CADM2: variants seen among roughly 807,000 people sequenced by gnomAD.
CADM2 encodes immunoglobulin superfamily member 4D.
A neutral mutation model predicts 49.8 loss-of-function variants in CADM2; 12 were observed. The observed-to-expected ratio is 0.24, with a 90% CI of 0.15 to 0.39. The LOEUF (loss-of-function observed/expected upper bound fraction) is 0.39. Ranked by LOEUF, CADM2 falls within the 10% of genes least tolerant of loss-of-function variation. The pLI is 1.00. For missense variants in CADM2, 378 were observed against 492.3 expected, an observed-to-expected ratio of 0.77 and a Z score of 2.20; for synonymous variants, 214 against 175.4, an observed-to-expected ratio of 1.22 and a Z score of -1.74.
chr3:85,318,876 T>A (rs2044533342), intron 1 of CADM2, among the ~76,000 whole-genome samples: 1 of 152,210 alleles, frequency 6.6e-6, no homozygotes. Flanking sequence ...TAATGTGATA[T>A]GATTTAATAT....
intron 1 of CADM2, among the ~76,000 whole-genome samples, chr3:85,384,551 T>G (rs2034103831): frequency 6.6e-6 from 1 of 152,014 alleles, no homozygotes. Flanking sequence ...TGACTTCAGG[T>G]GATCCGCCCG....
chr3:85,770,484 A>T (rs575156164), intron 2 of CADM2, among the ~76,000 whole-genome samples: 1 of 151,868 alleles, frequency 6.6e-6, no homozygotes, highest in African/African-American at 2.4e-5. Flanking sequence ...TAGCTGTTTT[A>T]TTATTATTAT....
intron 1 of CADM2, among the ~76,000 whole-genome samples, chr3:85,156,898 T>C (rs2040144800): frequency 6.6e-6 from 1 of 152,138 alleles, no homozygotes; most frequent in African/African-American, 2.4e-5. Flanking sequence ...GAAGTCAAAT[T>C]GTCCCTGTTT....
intron 1 of CADM2, among the ~76,000 whole-genome samples, chr3:85,156,189 G>GT (rs879481906): frequency 2.5e-4 from 38 of 151,672 alleles, no homozygotes; most frequent in Non-Finnish European, 5.2e-4. Flanking sequence ...CCAGGAGCTG[G>GT]TTTTTTGAAA....
chr3:85,600,966 G>A (rs1307782421), intron 1 of CADM2, among the ~76,000 whole-genome samples: 2 of 150,354 alleles, frequency 1.3e-5, no homozygotes, highest in Non-Finnish European at 3.0e-5. Flanking sequence ...TTGAGAAAAC[G>A]AGAACACAGG....
chr3:85,559,558 T>G (rs2062038418), intron 1 of CADM2, among the ~76,000 whole-genome samples: 1 of 151,986 alleles, frequency 6.6e-6, no homozygotes, highest in Admixed American at 6.6e-5. Flanking sequence ...ATATAGTAAA[T>G]ATATTTTTAC....
chr3:85,989,116 C>T (rs1438041978), intron 8 of CADM2, among the ~76,000 whole-genome samples: 1 of 152,130 alleles, frequency 6.6e-6, no homozygotes. Context: ...CATTCCTCCA[C>T]TCTGTTACTC....
intron 8 of CADM2, among the ~76,000 whole-genome samples, chr3:85,966,929 G>A (rs1725551112): frequency 6.6e-6 from 1 of 151,624 alleles, no homozygotes; most frequent in Admixed American, 6.6e-5. Context: ...TAAAAAGAGT[G>A]TTCTGGAGTT....
chr3:85,125,625 A>G (rs560584315), intron 1 of CADM2, among the ~76,000 whole-genome samples: 2 of 152,246 alleles, frequency 1.3e-5, no homozygotes, highest in South Asian at 4.1e-4. Flanking sequence ...CTCCTCCCAA[A>G]GTGCTGGGAT....
intron 1 of CADM2, among the ~76,000 whole-genome samples, chr3:85,005,213 G>C (rs1020069478): frequency 2.6e-5 from 4 of 152,092 alleles, no homozygotes; most frequent in African/African-American, 9.7e-5. Context: ...AGGCATTCTA[G>C]CCTTATAATC....
chr3:85,809,614 A>T (rs887660524), intron 3 of CADM2, among the ~76,000 whole-genome samples: 1 of 152,008 alleles, frequency 6.6e-6, no homozygotes, highest in Admixed American at 6.6e-5. Flanking sequence ...CGACAAGTCT[A>T]ATTCACTTTG....
At chr3:85,282,430 T>A (rs2043525587) in intron 1 of CADM2, among the ~76,000 whole-genome samples, 1 of 129,502 alleles carries the variant, frequency 7.7e-6, no homozygotes, top group South Asian at 2.4e-4. Context: ...CTTGGCCAAA[T>A]TTTTTTTTTT....
At chr3:85,650,664 G>A (rs1357335577) in intron 1 of CADM2, among the ~76,000 whole-genome samples, 1 of 151,612 alleles carries the variant, frequency 6.6e-6, no homozygotes, top group Non-Finnish European at 1.5e-5. Context: ...TGGGAATTGG[G>A]CCCAACAATC....
At chr3:85,942,193 C>G (rs987885547) in intron 7 of CADM2, among the ~76,000 whole-genome samples, 2 of 151,894 alleles carry the variant, frequency 1.3e-5, no homozygotes, top group Non-Finnish European at 2.9e-5. Context: ...ATTGCTAGGA[C>G]AGCCCATATT....
intron 1 of CADM2, among the ~76,000 whole-genome samples, chr3:85,351,652 G>A (rs751362743): frequency 1.2e-4 from 19 of 152,128 alleles, no homozygotes; most frequent in Non-Finnish European, 2.2e-4. Flanking sequence ...GAGGGAATGT[G>A]GGAATTGCTC....
At chr3:85,293,963 G>A (rs540288725) in intron 1 of CADM2, among the ~76,000 whole-genome samples, 9,770 of 151,694 alleles carry the variant, frequency 0.064, 1,029 homozygotes, top group African/African-American at 0.22. Context: ...AAAAGGAAAT[G>A]AAGGGTATTC....
chr3:85,644,683 A>G (rs1005057878), intron 1 of CADM2, among the ~76,000 whole-genome samples: 1 of 152,132 alleles, frequency 6.6e-6, no homozygotes, highest in Admixed American at 6.5e-5. Context: ...CATTGATATC[A>G]TGCCTTTGCC....
At chr3:85,530,043 A>G (rs1183438270) in intron 1 of CADM2, among the ~76,000 whole-genome samples, 1 of 152,048 alleles carries the variant, frequency 6.6e-6, no homozygotes, top group East Asian at 1.9e-4. Context: ...TGTAATCCCC[A>G]TAATCGCCAT....
At chr3:86,046,427 A>T (rs1042484862) in intron 8 of CADM2, among the ~76,000 whole-genome samples, 1 of 152,164 alleles carries the variant, frequency 6.6e-6, no homozygotes, top group African/African-American at 2.4e-5. Context: ...CCTTTTAAGC[A>T]TATTTGCCTA....
Sources: gnomAD v4.1 joint callset for allele counts (sites outside exome capture counted in the v4.1 genomes callset) on GRCh38, gnomAD v4.1.1 for gene constraint, MANE v1.5 for transcripts, NCBI Gene and HGNC (gene_info 2026-07-23, HGNC 2026-07-21) for gene names.